The following KDM6B variants were observed in gnomAD, a reference collection of about 807,000 sequenced individuals.
KDM6B encodes lysine demethylase 6B, also known as lysine-specific demethylase 6B.
Under a neutral mutation model 150.4 loss-of-function variants are expected in KDM6B, and 22 were observed. The ratio of observed to expected loss-of-function variants is 0.15; its 90% CI spans 0.10 to 0.21. The LOEUF (loss-of-function observed/expected upper bound fraction) is 0.21. Ranked by LOEUF, KDM6B falls within the 10% of genes least tolerant of loss-of-function variation. KDM6B has a pLI of 1.00. For missense variants in KDM6B, 1,984 were observed against 2,234.3 expected (o/e 0.89, Z 2.26); for synonymous variants, 1,148 against 921.1 (o/e 1.25, Z -4.46).
At chr17:7,845,159 A>C in intron 3 of KDM6B, 139 bp downstream of exon 3, 1 of 346,978 alleles carries the variant, frequency 2.9e-6, no homozygotes, top group Non-Finnish European at 5.6e-6. Context: ...CTGGGCCTCT[A>C]GGGAGTGGTT....
At chr17:7,836,782 C>T (rs2078339612) in intron 1 of KDM6B, among the ~76,000 whole-genome samples, 1 of 152,200 alleles carries the variant, frequency 6.6e-6, no homozygotes, top group South Asian at 2.1e-4. Context: ...AAGGGTGTTT[C>T]CAGTGTTTCC....
At chr17:7,842,814 C>T (rs967181797) in intron 2 of KDM6B, among the ~76,000 whole-genome samples, 3 of 150,804 alleles carry the variant, frequency 2.0e-5, no homozygotes, top group African/African-American at 4.9e-5. Context: ...CTGGGTGACT[C>T]ACGCTCCCCC....
intron 7 of KDM6B, 26 bp downstream of exon 7, chr17:7,846,323 C>A (rs760187122): frequency 6.3e-7 from 1 of 1,597,484 alleles, no homozygotes; most frequent in Non-Finnish European, 8.5e-7. Flanking sequence ...GCGTGGGGGA[C>A]GGGATTGTAC....
rs73977767 is a variant in KDM6B, at chr17:7,841,301, T to G, written c.-269+1277T>G. Among the ~76,000 whole-genome samples the G allele has an allele frequency of 8.1e-3, 1,233 of 152,278 alleles. 8 individuals carry two copies. The highest frequency in any genetic ancestry group is 0.028 in the African/African-American group (1,162 of 41,538). ...GTCGAGGGATGGGACAGAACTTGAT[T>G]GAAGGCAGACAGACCTCCAAATTCT... On this transcript the variant is annotated intron_variant, in intron 2 of 23. Transcript: ENST00000448097.
Position 7,849,479 on chromosome 17 carries a change from C to T in KDM6B, c.3191C>T (p.Pro1064Leu), listed in dbSNP as rs765958933. Residue 1064 changes from proline (P) to leucine (L), a missense_variant, in exon 12 of 24, where the codon CCC (proline) becomes CTC (leucine). By Grantham distance (98) the Pro-to-Leu change is moderately conservative (BLOSUM62 -3). Around this residue, in one of 13 missense-constraint regions of KDM6B, gnomAD observed 1,379 missense variants for 1,275.6 expected, o/e 1.08. Transcript: ENST00000448097. ...CCTGCACCTTCTGCCCAGCCCACACCCCCGTCAGCCTCTGTCCCTGGAAAG... is the reference window on the plus strand; with the variant it reads ...CCTGCACCTTCTGCCCAGCCCACACTCCCGTCAGCCTCTGTCCCTGGAAAG... ...SAPAPSAQPT[P>L]PSASVPGKKA... 9.9e-6 allele frequency: 16 copies of T among 1,612,820 alleles called. No homozygotes were observed. The South Asian group carries it at 1.4e-4, about 14-fold the overall frequency.
At chr17:7,835,562 C>G (rs1177861492) in intron 1 of KDM6B, among the ~76,000 whole-genome samples, 1 of 152,168 alleles carries the variant, frequency 6.6e-6, no homozygotes, top group African/African-American at 2.4e-5. Context: ...GACTTGGGAG[C>G]CGGATTCCCG....
Position 7,847,829 on chromosome 17 carries a change from C to CCG in KDM6B, c.1541_1542insCG (p.Ala515ValfsTer68). ...TTTGGGACTGAGGGACCCCCCCGCC[C>CCG]TGCCCCACCACCCCTCCCCCATCGC... On this transcript the variant is annotated frameshift_variant, in exon 12 of 24. Coordinates refer to ENST00000448097, the MANE Select transcript of KDM6B (RefSeq NM_001348716.2). LOFTEE classifies it high-confidence loss of function. 2.0e-6 allele frequency: 3 copies of CCG among 1,485,366 alleles called. No individual in the cohort carries two copies. Among genetic ancestry groups the CCG allele is most frequent in the Non-Finnish European group, 2.8e-6 (3 of 1,088,768 alleles). The allele number at this position is 1,485,366 out of a possible 1,614,324, so 92.0% of individuals were successfully genotyped here.
At position 7,850,052 on chromosome 17, in the gene KDM6B, C is replaced by G; in HGVS notation, c.3568-20C>G. On this transcript the variant is annotated intron_variant, in intron 13 of 23. Transcript: ENST00000448097. ...GCCTGGGCCAGGGCTCTGACCCCAG[C>G]TCTCCTGGTCATGTCTCAGCTGGAG... 1 of 1,613,490 alleles carries G rather than the reference C, an allele frequency of 6.2e-7. No individual in the cohort carries two copies. Among genetic ancestry groups the G allele is most frequent in the South Asian group, 1.1e-5 (1 of 91,074 alleles).
Position 7,849,904 on chromosome 17 carries a change from A to G in KDM6B, c.3524A>G (p.Lys1175Arg). ...SVKPKINTEE[K>R]LPREKLNPPT... ...AAACCGAAGATCAACACTGAGGAGAAGCTGCCCCGGGAAAAACTCAACCCC... is the reference window on the plus strand; with the variant it reads ...AAACCGAAGATCAACACTGAGGAGAGGCTGCCCCGGGAAAAACTCAACCCC... The change falls in exon 13 of 24, where the codon AAG becomes AGG. Residue 1175 changes from lysine (K) to arginine (R), a missense_variant. By Grantham distance (26) the Lys-to-Arg change is conservative. Transcript: ENST00000448097. 1 of 1,613,570 alleles carries G rather than the reference A, an allele frequency of 6.2e-7. No homozygotes were observed. The highest frequency in any genetic ancestry group is 8.5e-7 in the Non-Finnish European group (1 of 1,180,032).
intron 14 of KDM6B, among the ~76,000 whole-genome samples, chr17:7,850,713 A>G (rs1270366289): frequency 1.3e-5 from 2 of 152,214 alleles, no homozygotes; most frequent in East Asian, 3.8e-4. Flanking sequence ...GCTGCCATTC[A>G]TTGAGCACCT....
In KDM6B at chr17:7,852,278, C is replaced by T. The variant is rs2078712769; in HGVS notation, c.4410C>T (p.His1470=). ...DLVWINAGTV[H]WVQATGWCNN... is the part of the protein sequence containing the mutation. The stretch of plus-strand genomic sequence containing the variant: ...TGTGGATTAATGCGGGGACTGTGCA[C>T]TGGGTGCAGGCCACCGGCTGGTGCA... Residue 1470 remains histidine, a synonymous_variant, in exon 20 of 24, where the codon CAC becomes CAT. Transcript: ENST00000448097. The T allele has an allele frequency of 6.2e-7, 1 of 1,613,936 alleles. No individual in the cohort carries two copies. The highest frequency in any genetic ancestry group is 1.1e-5 in the South Asian group (1 of 91,088).
intron 23 of KDM6B, 57 bp downstream of exon 23, chr17:7,853,437 G>A (rs1459223646): frequency 2.4e-5 from 36 of 1,528,246 alleles, no homozygotes; most frequent in Non-Finnish European, 2.8e-5. Context: ...AGGCTGCAGG[G>A]ACGGGCTTCG....
chr17:7,845,259 C>T lies in KDM6B; in HGVS notation c.-148-55C>T, dbSNP rs539124708. On this transcript the variant is annotated intron_variant, in intron 3 of 23. Coordinates refer to ENST00000448097, the MANE Select transcript of KDM6B (RefSeq NM_001348716.2). The stretch of plus-strand genomic sequence containing the variant: ...TGCCACAGTCCGCCCATCCCAGCCC[C>T]TGGGCCTTGACTGTGTGCTGGCCAG... The T allele has an allele frequency of 8.0e-5, 44 of 552,206 alleles. No homozygotes were observed. The Admixed American group carries it at 1.0e-3, about 13-fold the overall frequency. 34.2% of individuals were successfully genotyped at this position (552,206 alleles called of 1,614,324 possible). A position where few individuals can be genotyped will look rare whatever the true frequency, so the allele number is the denominator to read the frequency against.
rs557083067 is a variant in KDM6B, at chr17:7,843,148, C to T, written c.-268-1753C>T. 1.2e-4 allele frequency among the ~76,000 whole-genome samples: 19 copies of T among 152,216 alleles called. No homozygotes were observed. Among genetic ancestry groups the T allele is most frequent in the African/African-American group, 4.6e-4 (19 of 41,524 alleles). Reference sequence around the variant, plus strand: ...GTCATCATCGCCGAAGGGGAAGCTGCCTTTCCTGGTAACTGGCGGCGCTCT... The same window carrying T: ...GTCATCATCGCCGAAGGGGAAGCTGTCTTTCCTGGTAACTGGCGGCGCTCT... On this transcript the variant is annotated intron_variant, in intron 2 of 23. Coordinates refer to ENST00000448097, the MANE Select transcript of KDM6B (RefSeq NM_001348716.2). The surrounding 1 kb of genome is among the most constrained non-coding windows in gnomAD (Gnocchi z 4.5).
At chr17:7,852,441 C>CT in intron 20 of KDM6B, 54 bp from the exon 21 acceptor site, 2 of 1,290,146 alleles carry the variant, frequency 1.6e-6, no homozygotes, top group Non-Finnish European at 2.1e-6. Context: ...GGGCTTGGGC[C>CT]TAGGTGTCTG....
chr17:7,844,251 C>T lies in KDM6B; in HGVS notation c.-268-650C>T, dbSNP rs2078483207. 6.6e-6 allele frequency: 1 copy of T among 152,184 alleles called. No individual in the cohort carries two copies. The highest frequency in any genetic ancestry group is 1.5e-5 in the Non-Finnish European group (1 of 68,080). The allele number at this position is 152,184 out of a possible 1,614,324, so 9.4% of individuals were successfully genotyped here. A position where few individuals can be genotyped will look rare whatever the true frequency, so the allele number is the denominator to read the frequency against. On this transcript the variant is annotated intron_variant, in intron 2 of 23. Coordinates refer to ENST00000448097, the MANE Select transcript of KDM6B (RefSeq NM_001348716.2). The surrounding 1 kb of genome is among the most constrained non-coding windows in gnomAD (Gnocchi z 5.9). ...AGGGGCCACTCGGGACCGCGGTGCG[C>T]GACTTCTCGGAAGTTGGGGGACTAA...
In KDM6B at chr17:7,848,854, A is replaced by G; in HGVS notation, c.2566A>G (p.Ser856Gly). The change falls in exon 12 of 24, where the codon AGC becomes GGC. Residue 856 changes from serine (S) to glycine (G), a missense_variant. Physicochemically the swap from Ser to Gly is moderately conservative, Grantham distance 56 (BLOSUM62 0). Around this residue, in one of 13 missense-constraint regions of KDM6B, gnomAD observed 1,379 missense variants for 1,275.6 expected, o/e 1.08. Coordinates refer to ENST00000448097, the MANE Select transcript of KDM6B (RefSeq NM_001348716.2). ...CCTGCCGCCCACCTCAGCGGCCCCT[A>G]GCGCCCAGGGCTCCCCACAGCCCTC... ...TALPPTSAAPSAQGSPQPSAS... is the reference protein window; with the variant it reads ...TALPPTSAAPGAQGSPQPSAS... 1 of 1,610,896 alleles carries G rather than the reference A, an allele frequency of 6.2e-7. No individual in the cohort carries two copies. The highest frequency in any genetic ancestry group is 1.1e-5 in the South Asian group (1 of 90,992).
intron 1 of KDM6B, among the ~76,000 whole-genome samples, chr17:7,837,835 G>C (rs2078354417): frequency 6.6e-6 from 1 of 152,212 alleles, no homozygotes; most frequent in Middle Eastern, 3.4e-3. Context: ...TATTATTGCT[G>C]TGGGTCTGCT....
rs771270135 is a variant in KDM6B at position 7,848,889 on chromosome 17, G to C, written c.2601G>C (p.Ser867=). 3.1e-6 allele frequency: 5 copies of C among 1,607,386 alleles called. No homozygotes were observed. The highest frequency in any genetic ancestry group is 4.2e-6 in the Non-Finnish European group (5 of 1,176,530). ...AQGSPQPSAS[S]SSQFSTSGGP... ...GCTCCCCACAGCCCTCTGCTTCCTC[G>C]TCATCTCAGTTCTCTACCTCAGGCG... Residue 867 remains serine (S), a synonymous_variant, in exon 12 of 24, where the codon TCG becomes TCC. Coordinates refer to ENST00000448097, the MANE Select transcript of KDM6B (RefSeq NM_001348716.2).
Sources: gnomAD v4.1 joint callset for allele counts (sites outside exome capture counted in the v4.1 genomes callset) on GRCh38, gnomAD v4.1.1 for gene constraint, gnomAD v4.1.1 regional missense constraint, Gnocchi (gnomAD v3.1) non-coding constraint, MANE v1.5 for transcripts, NCBI Gene and HGNC (gene_info 2026-07-23, HGNC 2026-07-21) for gene names.